The following RBFOX1 variants were observed in gnomAD, a reference collection of about 807,000 sequenced individuals.
The protein encoded by RBFOX1 is RNA binding protein fox-1 homolog 1.
In RBFOX1, 8 loss-of-function variants were observed where a neutral mutation model predicts 57.7. The ratio of observed to expected loss-of-function variants is 0.14; its 90% CI spans 0.08 to 0.25. The LOEUF is 0.25. RBFOX1 is among the 10% of genes least tolerant of loss of function. The pLI is 1.00. For synonymous variants in RBFOX1, 326 were observed against 222.4 expected (o/e 1.47, Z -4.15); for missense variants, 611 against 548.5 (o/e 1.11, Z -1.14).
At chr16:7,080,359 G>A (rs780771595) in intron 4 of RBFOX1, among the ~76,000 whole-genome samples, 28 of 151,950 alleles carry the variant, frequency 1.8e-4, no homozygotes, top group Admixed American at 2.6e-4. Flanking sequence ...TACCTTCTTC[G>A]GCTTCCTAAA....
chr16:7,593,602 T>C (rs904865869), intron 7 of RBFOX1, among the ~76,000 whole-genome samples: 1 of 152,196 alleles, frequency 6.6e-6, no homozygotes. Flanking sequence ...AAACGTTATT[T>C]TTCTCGATAC....
chr16:7,318,637 G>C (rs899107724), intron 4 of RBFOX1, among the ~76,000 whole-genome samples: 2 of 152,196 alleles, frequency 1.3e-5, no homozygotes, highest in Non-Finnish European at 2.9e-5. Flanking sequence ...TAGACATAGA[G>C]AACGTTTGTT....
intron 3 of RBFOX1, among the ~76,000 whole-genome samples, chr16:5,774,722 G>A (rs958586354): frequency 3.9e-5 from 6 of 152,002 alleles, no homozygotes; most frequent in Non-Finnish European, 5.9e-5. Context: ...TCACTCTCTC[G>A]CCCAGACTAG....
chr16:6,172,902 C>G (rs943728296), intron 1 of RBFOX1, among the ~76,000 whole-genome samples: 9 of 152,244 alleles, frequency 5.9e-5, no homozygotes, highest in African/African-American at 2.2e-4. Flanking sequence ...GAGCTGCACT[C>G]CTTTCTGGAG....
chr16:6,525,488 G>A (rs114521787), intron 2 of RBFOX1, among the ~76,000 whole-genome samples: 2,125 of 152,314 alleles, frequency 0.014, 42 homozygotes, highest in African/African-American at 0.047. Context: ...AGGAGCAAAT[G>A]CATGTTTCAC....
In RBFOX1 at chr16:5,587,442, G is replaced by T. The variant is rs992844061; in HGVS notation, c.259-11460G>T. 4.6e-5 allele frequency among the ~76,000 whole-genome samples: 7 copies of T among 152,234 alleles called. No homozygotes were observed. The East Asian group carries it at 1.3e-3, about 29-fold the overall frequency. On this transcript the variant is annotated intron_variant, in intron 2 of 2. Coordinates refer to the RBFOX1 transcript ENST00000585867. ...AAGTCAGATAATTGGGCCTGGTGCG[G>T]TCGCTCACGCCTGTCATCCCAGCAC... is the stretch of plus-strand genomic sequence containing the variant.
chr16:6,664,282 C>T (rs2098718837), intron 3 of RBFOX1, among the ~76,000 whole-genome samples: 1 of 152,178 alleles, frequency 6.6e-6, no homozygotes, highest in African/African-American at 2.4e-5. Context: ...AACTGTCAAT[C>T]ATCTTCAGAT....
intron 2 of RBFOX1, among the ~76,000 whole-genome samples, chr16:6,454,679 C>A (rs894338654): frequency 3.9e-5 from 6 of 152,104 alleles, no homozygotes; most frequent in African/African-American, 1.4e-4. Flanking sequence ...GTGCATTCTT[C>A]TGCCTGGGAG....
chr16:7,648,248 C>T (rs994855752), intron 11 of RBFOX1, among the ~76,000 whole-genome samples: 23 of 152,100 alleles, frequency 1.5e-4, no homozygotes, highest in African/African-American at 5.6e-4. Context: ...GAGACTGAGT[C>T]TTGGTCTGTC....
At chr16:5,341,887 G>T in intron 1 of RBFOX1, among the ~76,000 whole-genome samples, 1 of 152,188 alleles carries the variant, frequency 6.6e-6, no homozygotes, top group East Asian at 1.9e-4. Flanking sequence ...AAGTCACCTG[G>T]TGGAGTGTTC....
intron 1 of RBFOX1, among the ~76,000 whole-genome samples, chr16:6,116,276 G>A (rs778088745): frequency 3.3e-5 from 5 of 151,132 alleles, no homozygotes; most frequent in African/African-American, 1.2e-4. Context: ...TCAGGGGGTG[G>A]GGGGCAGGGG....
intron 4 of RBFOX1, among the ~76,000 whole-genome samples, chr16:7,488,286 T>G (rs911026347): frequency 6.6e-6 from 1 of 152,204 alleles, no homozygotes; most frequent in African/African-American, 2.4e-5. Context: ...CTGTGCAGTT[T>G]CCCTTTCTCA....
intron 4 of RBFOX1, among the ~76,000 whole-genome samples, chr16:7,436,753 G>T (rs1323109544): frequency 6.6e-6 from 1 of 152,110 alleles, no homozygotes. Flanking sequence ...TCCTTGCTGA[G>T]ATTTTCTTAA....
chr16:5,566,072 T>A (rs2046057320), intron 2 of RBFOX1, among the ~76,000 whole-genome samples: 1 of 152,174 alleles, frequency 6.6e-6, no homozygotes, highest in Non-Finnish European at 1.5e-5. Context: ...CTTTCGCCTT[T>A]CGCCATGATT....
At chr16:6,982,167 T>C (rs1244780033) in intron 3 of RBFOX1, among the ~76,000 whole-genome samples, 5 of 152,228 alleles carry the variant, frequency 3.3e-5, no homozygotes, top group African/African-American at 1.2e-4. Flanking sequence ...TATTGGATTG[T>C]GTATTCTCTG....
chr16:5,945,355 A>T lies in RBFOX1; in HGVS notation c.351+78020A>T, dbSNP rs369414698. Among the ~76,000 whole-genome samples the T allele has an allele frequency of 1.6e-4, 24 of 152,308 alleles. No individual in the cohort carries two copies. The East Asian group carries it at 3.7e-3, about 23-fold the overall frequency. The stretch of plus-strand genomic sequence containing the variant: ...GGTGAGTTACAATAAAGGTAACTGG[A>T]TTTGGGACAGCCATTATACTTTGAG... On this transcript the variant is annotated intron_variant, in intron 4 of 19. Coordinates refer to the RBFOX1 transcript ENST00000641259.
chr16:5,974,357 C>G (rs2060020422), intron 4 of RBFOX1, among the ~76,000 whole-genome samples: 1 of 152,140 alleles, frequency 6.6e-6, no homozygotes, highest in Non-Finnish European at 1.5e-5. Flanking sequence ...ACCTGTAATC[C>G]CAGCACGTTG....
chr16:6,431,272 A>G (rs536971610), intron 2 of RBFOX1, among the ~76,000 whole-genome samples: 2 of 152,156 alleles, frequency 1.3e-5, no homozygotes, highest in South Asian at 2.1e-4. Context: ...AGAGGATCCT[A>G]TGGCTGTGGA....
intron 3 of RBFOX1, among the ~76,000 whole-genome samples, chr16:5,748,085 C>G (rs1448300350): frequency 2.0e-5 from 3 of 152,168 alleles, no homozygotes; most frequent in African/African-American, 4.8e-5. Flanking sequence ...TCTTTGTTCT[C>G]ATTGGTTTCA....
Sources: allele counts gnomAD v4.1 joint callset (sites outside exome capture counted in the v4.1 genomes callset), GRCh38; gene constraint gnomAD v4.1.1; transcripts MANE v1.5; gene names NCBI Gene and HGNC (gene_info 2026-07-23, HGNC 2026-07-21).